DGKH: variants seen among roughly 807,000 people sequenced by gnomAD.
The protein encoded by DGKH is DAG kinase eta.
A neutral mutation model predicts 159.3 loss-of-function variants in DGKH; 90 were observed. The observed-to-expected ratio is 0.57, with a 90% confidence interval of 0.48 to 0.67. The LOEUF (loss-of-function observed/expected upper bound fraction) is 0.67. DGKH is among the 30% of genes least tolerant of loss of function. The probability of loss-of-function intolerance (pLI) is 0.00; values close to 1 mark genes in which losing one functional copy is unlikely to be tolerated. For synonymous variants in DGKH, 536 were observed against 553.8 expected (o/e 0.97, Z 0.45); for missense variants, 1,181 against 1,506.1 (o/e 0.78, Z 3.57).
rs751071243 is a variant in DGKH, at chr13:42,159,404, C to T, written c.729+32C>T. On this transcript the variant is annotated intron_variant, in intron 6 of 29. Transcript: ENST00000337343. ...TGCTGCTCTGTCTCTGCTCTCTTCCCACTAACTCCTCTTTTATGTTCTGCT... is the reference window on the plus strand; with the variant it reads ...TGCTGCTCTGTCTCTGCTCTCTTCCTACTAACTCCTCTTTTATGTTCTGCT... 15 of 1,398,504 alleles carry T rather than the reference C, an allele frequency of 1.1e-5. No individual in the cohort carries two copies. In the Admixed American group the frequency reaches 2.5e-4, roughly 24 times the overall value. 86.6% of individuals were successfully genotyped at this position (1,398,504 alleles called of 1,614,324 possible). A position where few individuals can be genotyped will look rare whatever the true frequency, so the allele number is the denominator to read the frequency against.
chr13:42,186,972 C>T, intron 13 of DGKH, 77 bp from the exon 14 acceptor site: 1 of 1,279,248 alleles, frequency 7.8e-7, no homozygotes, highest in South Asian at 1.3e-5. Context: ...AATTGTGTTT[C>T]TTTTTAAATA....
At chr13:42,040,319 T>C (rs1880398391) in intron 1 of DGKH, among the ~76,000 whole-genome samples, 1 of 152,118 alleles carries the variant, frequency 6.6e-6, no homozygotes. Flanking sequence ...GTGGCCAGCC[T>C]AGCCCAGCCC....
chr13:42,086,720 G>A lies in DGKH; in HGVS notation c.192+37755G>A, dbSNP rs1008631266. 3.9e-5 allele frequency among the ~76,000 whole-genome samples: 6 copies of A among 152,270 alleles called. No individual in the cohort carries two copies. The South Asian group carries it at 6.2e-4, about 16-fold the overall frequency. On this transcript the variant is annotated intron_variant, in intron 1 of 29. Coordinates refer to ENST00000337343, the MANE Select transcript of DGKH (RefSeq NM_178009.5). Reference sequence around the variant, plus strand: ...CAGACCACAGGCAGGACATGACAGTGATCACTTAGAGAAAGAGGGAAAAGC... The same window carrying A: ...CAGACCACAGGCAGGACATGACAGTAATCACTTAGAGAAAGAGGGAAAAGC...
At chr13:42,254,120 T>C (rs536680928) in intron 30 of DGKH, among the ~76,000 whole-genome samples, 2 of 152,302 alleles carry the variant, frequency 1.3e-5, no homozygotes, top group African/African-American at 4.8e-5. Flanking sequence ...AAATTAAAAT[T>C]ATCTTTCTAC....
chr13:42,209,883 C>A (rs938425211), intron 23 of DGKH, among the ~76,000 whole-genome samples: 10 of 152,052 alleles, frequency 6.6e-5, no homozygotes, highest in Non-Finnish European at 1.3e-4. Context: ...GATATAATCA[C>A]TTGTATCCAC....
chr13:42,195,417 G>T (rs563850687), intron 17 of DGKH, among the ~76,000 whole-genome samples: 3 of 152,166 alleles, frequency 2.0e-5, no homozygotes, highest in Non-Finnish European at 4.4e-5. Flanking sequence ...CCCGAGAATT[G>T]CTTGAACTCG....
chr13:42,104,272 T>TC (rs898458060), intron 1 of DGKH, among the ~76,000 whole-genome samples: 6 of 151,896 alleles, frequency 4.0e-5, no homozygotes, highest in South Asian at 2.1e-4. Context: ...CTGCCATTTC[T>TC]CCCCCCCAGG....
upstream of DGKH, among the ~76,000 whole-genome samples, chr13:42,045,821 T>G (rs572736486): frequency 1.3e-5 from 2 of 152,224 alleles, no homozygotes; most frequent in Non-Finnish European, 2.9e-5. Context: ...TATGTGAGAT[T>G]TGAAAGTTGC....
chr13:42,186,274 G>T (rs1956925922), intron 13 of DGKH, among the ~76,000 whole-genome samples: 1 of 152,106 alleles, frequency 6.6e-6, no homozygotes, highest in Non-Finnish European at 1.5e-5. Flanking sequence ...CTTTAAAAAA[G>T]CTGGTCATAT....
chr13:42,143,756 C>A (rs1043169681), intron 3 of DGKH, among the ~76,000 whole-genome samples: 2 of 152,074 alleles, frequency 1.3e-5, no homozygotes, highest in African/African-American at 4.8e-5. Flanking sequence ...TCCCCTTTAT[C>A]ATTTTTTATT....
intron 26 of DGKH, among the ~76,000 whole-genome samples, chr13:42,216,397 TA>T (rs1342539692): frequency 6.6e-6 from 1 of 152,222 alleles, no homozygotes; most frequent in Admixed American, 6.5e-5. Flanking sequence ...TATTCCTTTT[TA>T]TAATTCTGGT....
At chr13:42,063,894 G>A (rs996992667) in intron 1 of DGKH, among the ~76,000 whole-genome samples, 2 of 151,154 alleles carry the variant, frequency 1.3e-5, no homozygotes, top group East Asian at 3.9e-4. Context: ...AGCTGAGATC[G>A]CACCATTGCA....
chr13:42,097,282 C>T (rs911842413), intron 1 of DGKH, among the ~76,000 whole-genome samples: 1 of 152,138 alleles, frequency 6.6e-6, no homozygotes, highest in African/African-American at 2.4e-5. Flanking sequence ...GGACCTCTTC[C>T]ACTTACTGTG....
At chr13:42,155,479 A>C in intron 4 of DGKH, 84 bp downstream of exon 4, 1 of 1,480,170 alleles carries the variant, frequency 6.8e-7, no homozygotes, top group Non-Finnish European at 9.4e-7. Context: ...TGCAAACATA[A>C]GTATGTGTAC....
At chr13:42,205,464 A>G (rs532105058) in intron 20 of DGKH, among the ~76,000 whole-genome samples, 1 of 152,220 alleles carries the variant, frequency 6.6e-6, no homozygotes, top group East Asian at 1.9e-4. Context: ...TTCCATTTAC[A>G]TGGTAATTTA....
chr13:42,209,991 T>C (rs9533034), intron 23 of DGKH, among the ~76,000 whole-genome samples: 28,478 of 129,334 alleles, frequency 0.22, 3,030 homozygotes, highest in Non-Finnish European at 0.28. Context: ...TGGCAATCAT[T>C]GATTTTTTTT....
intron 1 of DGKH, chr13:42,068,876 TA>T: frequency 4.4e-6 from 4 of 903,968 alleles, no homozygotes; most frequent in Non-Finnish European, 6.3e-6. Context: ...ACTCTAGTAA[TA>T]AAAAAGACAA....
At chr13:42,203,457 T>C (rs1427915434) in intron 20 of DGKH, among the ~76,000 whole-genome samples, 1 of 152,196 alleles carries the variant, frequency 6.6e-6, no homozygotes, top group Non-Finnish European at 1.5e-5. Context: ...GTGCTAAGAA[T>C]TGTTAGCCCA....
At chr13:42,112,732 G>A (rs893805333) in intron 1 of DGKH, among the ~76,000 whole-genome samples, 4 of 152,278 alleles carry the variant, frequency 2.6e-5, no homozygotes, top group Admixed American at 1.3e-4. Flanking sequence ...ATCCCTCACC[G>A]CCATTCTCCT....
Sources: allele counts gnomAD v4.1 joint callset (sites outside exome capture counted in the v4.1 genomes callset), GRCh38; gene constraint gnomAD v4.1.1; transcripts MANE v1.5; gene names NCBI Gene and HGNC (gene_info 2026-07-23, HGNC 2026-07-21).